ZFHX3: variants seen among roughly 807,000 people sequenced by gnomAD.
ZFHX3 encodes the protein zinc finger homeobox 3, also known as zinc finger homeobox protein 3.
ZFHX3 carries 42 observed loss-of-function variants against 279.1 expected under a neutral mutation model. The observed-to-expected ratio is 0.15, with a 90% CI of 0.12 to 0.19. The LOEUF (loss-of-function observed/expected upper bound fraction) is 0.19. ZFHX3 is among the 10% of genes least tolerant of loss of function. The pLI is 1.00. For missense variants in ZFHX3, 4,981 were observed against 4,754.0 expected, an observed-to-expected ratio of 1.05 and a Z score of -1.40; for synonymous variants, 2,293 against 1,957.8, an observed-to-expected ratio of 1.17 and a Z score of -4.52.
At chr16:73,536,127 G>C (rs921530353) in intron 2 of ZFHX3, among the ~76,000 whole-genome samples, 1 of 152,092 alleles carries the variant, frequency 6.6e-6, no homozygotes, top group Non-Finnish European at 1.5e-5. Flanking sequence ...TAGTTGATTG[G>C]GGTTGGCTGG....
chr16:73,244,001 T>C (rs946897972), intron 5 of ZFHX3, among the ~76,000 whole-genome samples: 3 of 152,196 alleles, frequency 2.0e-5, no homozygotes, highest in Admixed American at 6.5e-5. Context: ...GTTTTAAGAA[T>C]GGTACACTGA....
chr16:73,568,040 G>C (rs189656624), intron 2 of ZFHX3, among the ~76,000 whole-genome samples: 1 of 152,128 alleles, frequency 6.6e-6, no homozygotes, highest in African/African-American at 2.4e-5. Context: ...CTTCAACAAA[G>C]GGTCAGGAAG....
intron 2 of ZFHX3, among the ~76,000 whole-genome samples, chr16:73,516,077 C>G (rs1487713008): frequency 6.6e-6 from 1 of 152,250 alleles, no homozygotes; most frequent in African/African-American, 2.4e-5. Flanking sequence ...TCACCATCAT[C>G]ATTGAACACT....
chr16:73,150,957 A>G (rs1039857205), intron 5 of ZFHX3, among the ~76,000 whole-genome samples: 6 of 152,218 alleles, frequency 3.9e-5, no homozygotes, highest in Admixed American at 1.3e-4. Flanking sequence ...CATCACTCAA[A>G]CAAAAACAAA....
chr16:73,639,528 C>T (rs141231327), intron 2 of ZFHX3, among the ~76,000 whole-genome samples: 348 of 152,098 alleles, frequency 2.3e-3, no homozygotes, highest in African/African-American at 8.0e-3. Flanking sequence ...AATATTAAAA[C>T]AGAAACATGC....
At chr16:73,842,609 C>T (rs114304652) in intron 1 of ZFHX3, among the ~76,000 whole-genome samples, 1,889 of 152,210 alleles carry the variant, frequency 0.012, 43 homozygotes, top group African/African-American at 0.043. Flanking sequence ...TGTGCATGTG[C>T]GTGTGTATAT....
intron 2 of ZFHX3, among the ~76,000 whole-genome samples, chr16:73,519,415 T>A (rs1365197935): frequency 1.7e-4 from 26 of 152,186 alleles, no homozygotes; most frequent in Non-Finnish European, 1.5e-5. Flanking sequence ...ATCTGCCTTG[T>A]TTTTTTAAAA....
chr16:73,135,960 C>A (rs569879376), intron 6 of ZFHX3, among the ~76,000 whole-genome samples: 4 of 151,944 alleles, frequency 2.6e-5, no homozygotes, highest in African/African-American at 7.2e-5. Context: ...TGGGTTCAAG[C>A]AATTCCCCTG....
chr16:73,062,937 A>C (rs979192199), upstream of ZFHX3, among the ~76,000 whole-genome samples: 1 of 152,248 alleles, frequency 6.6e-6, no homozygotes, highest in African/African-American at 2.4e-5. Context: ...ATAAATGCAG[A>C]CATGCCGAAG....
At chr16:72,798,981 A>G (rs1326801663) in intron 8 of ZFHX3, among the ~76,000 whole-genome samples, 1 of 152,272 alleles carries the variant, frequency 6.6e-6, no homozygotes, top group African/African-American at 2.4e-5. Flanking sequence ...GACCCATGTC[A>G]TATCACAGAT....
intron 9 of ZFHX3, chr16:72,789,360 T>G (rs978834042): frequency 6.5e-6 from 1 of 152,820 alleles, no homozygotes; most frequent in Non-Finnish European, 1.5e-5. Flanking sequence ...CAGCTACCAT[T>G]CACTCTGCCC....
rs151091209 is a variant in ZFHX3, at chr16:72,870,800, G to A, written c.3448+18931C>T. Among the ~76,000 whole-genome samples, 766 of 151,434 alleles carry A rather than the reference G, an allele frequency of 5.1e-3. 14 individuals are homozygous for A. Among genetic ancestry groups the A allele is most frequent in the African/African-American group, 0.017 (700 of 41,216 alleles). On this transcript the variant is annotated intron_variant, in intron 4 of 9. Coordinates refer to ENST00000268489, the MANE Select transcript of ZFHX3 (RefSeq NM_006885.4). Reference sequence around the variant, plus strand: ...ATCTAAGATATTCTTTTCATACAAAGGATATTATTAGGAAAATTTGAATAA... The same window carrying A: ...ATCTAAGATATTCTTTTCATACAAAAGATATTATTAGGAAAATTTGAATAA...
At chr16:72,836,807 T>C (rs892742679) in intron 4 of ZFHX3, among the ~76,000 whole-genome samples, 1 of 152,086 alleles carries the variant, frequency 6.6e-6, no homozygotes, top group East Asian at 1.9e-4. Flanking sequence ...ACTAACCCTA[T>C]GGTAGTCCAG....
intron 4 of ZFHX3, among the ~76,000 whole-genome samples, chr16:73,317,570 A>G (rs2015479944): frequency 6.6e-6 from 1 of 152,018 alleles, no homozygotes; most frequent in Non-Finnish European, 1.5e-5. Flanking sequence ...AAGAAATTAA[A>G]CCCTGTCTCA....
intron 5 of ZFHX3, among the ~76,000 whole-genome samples, chr16:73,221,149 G>A (rs2012405726): frequency 6.6e-6 from 1 of 152,142 alleles, no homozygotes; most frequent in East Asian, 1.9e-4. Context: ...AACTTGACTT[G>A]CTTCTGACCT....
intron 1 of ZFHX3, among the ~76,000 whole-genome samples, chr16:72,988,102 T>G (rs976208822): frequency 3.3e-5 from 5 of 152,184 alleles, no homozygotes; most frequent in African/African-American, 9.7e-5. Context: ...TGGTCCACAC[T>G]TGGAAACCCG....
chr16:72,977,018 G>A (rs1247308926), intron 1 of ZFHX3, among the ~76,000 whole-genome samples: 1 of 152,158 alleles, frequency 6.6e-6, no homozygotes, highest in Non-Finnish European at 1.5e-5. Context: ...TGGGATGAAG[G>A]GCATGCCATC....
rs767943550 is a variant in ZFHX3 at position 72,958,116 on chromosome 16, T to C, written c.2030A>G (p.Asn677Ser). Reference sequence around the variant, plus strand: ...GGTCTGCTGGTACTTATAGTGCCAGTTGCACTTGGGGCACTTGAGTGTCTT... The same window carrying C: ...GGTCTGCTGGTACTTATAGTGCCAGCTGCACTTGGGGCACTTGAGTGTCTT... ...SCKTLKCPKC[N>S]WHYKYQQTLE... is the part of the protein sequence containing the mutation. The change falls in exon 2 of 10, where the codon AAC (asparagine) becomes AGC (serine). Residue 677 changes from asparagine (N) to serine (S), a missense_variant. This residue lies in a region of ZFHX3 where 1,068 missense variants were observed against 935.2 expected (regional missense o/e 1.14). Transcript: ENST00000268489. 6.2e-7 allele frequency: 1 copy of C among 1,614,182 alleles called. No individual in the cohort carries two copies. The highest frequency in any genetic ancestry group is 8.5e-7 in the Non-Finnish European group (1 of 1,180,028).
intron 4 of ZFHX3, among the ~76,000 whole-genome samples, chr16:73,298,638 T>C (rs1362287455): frequency 6.6e-6 from 1 of 152,142 alleles, no homozygotes; most frequent in Non-Finnish European, 1.5e-5. Flanking sequence ...AGTGGCCAGC[T>C]GTGATGCTCT....
Sources: allele counts gnomAD v4.1 joint callset (sites outside exome capture counted in the v4.1 genomes callset), GRCh38; gene constraint gnomAD v4.1.1; regional missense constraint gnomAD v4.1.1; transcripts MANE v1.5; gene names NCBI Gene and HGNC (gene_info 2026-07-23, HGNC 2026-07-21).